RBFOX1: variants seen among roughly 807,000 people sequenced by gnomAD.
The protein encoded by RBFOX1 is RNA binding fox-1 homolog 1, also known as RNA binding protein fox-1 homolog 1.
Under a neutral mutation model 57.7 loss-of-function variants are expected in RBFOX1, and 8 were observed. The observed-to-expected ratio is 0.14, with a 90% CI of 0.08 to 0.25. RBFOX1 has a LOEUF of 0.25. Ranked by LOEUF, RBFOX1 falls within the 10% of genes least tolerant of loss-of-function variation. The pLI, the probability that RBFOX1 is intolerant of heterozygous loss-of-function variation, is 1.00. For missense variants in RBFOX1, 611 were observed against 548.5 expected (o/e 1.11, Z -1.14); for synonymous variants, 326 against 222.4 (o/e 1.47, Z -4.15).
chr16:6,048,035 C>T (rs1362297543), intron 1 of RBFOX1, among the ~76,000 whole-genome samples: 21 of 152,220 alleles, frequency 1.4e-4, no homozygotes, highest in Admixed American at 1.3e-3. Flanking sequence ...GAACAAAGGC[C>T]AGGATCTAAA....
intron 3 of RBFOX1, among the ~76,000 whole-genome samples, chr16:5,865,960 C>G (rs2057335043): frequency 1.3e-5 from 2 of 151,986 alleles, no homozygotes; most frequent in African/African-American, 4.8e-5. Context: ...TCTGCTCTCT[C>G]TCCTCTTTTA....
At chr16:5,784,712 T>G (rs1354886249) in intron 3 of RBFOX1, among the ~76,000 whole-genome samples, 1 of 152,138 alleles carries the variant, frequency 6.6e-6, no homozygotes, top group African/African-American at 2.4e-5. Context: ...CAGGGGTAAT[T>G]AAATCATGAG....
At chr16:6,345,100 C>G (rs1243446238) in intron 2 of RBFOX1, among the ~76,000 whole-genome samples, 4 of 152,158 alleles carry the variant, frequency 2.6e-5, no homozygotes, top group East Asian at 1.9e-4. Flanking sequence ...TCTTGTGAAG[C>G]AAAGCATTCT....
At chr16:6,913,137 C>T (rs2072141798) in intron 3 of RBFOX1, among the ~76,000 whole-genome samples, 1 of 151,348 alleles carries the variant, frequency 6.6e-6, no homozygotes, top group African/African-American at 2.4e-5. Flanking sequence ...CTGAAGAAGA[C>T]ACGTTTTTTT....
intron 1 of RBFOX1, among the ~76,000 whole-genome samples, chr16:6,167,459 C>G (rs1482547289): frequency 3.3e-5 from 5 of 152,138 alleles, no homozygotes; most frequent in Non-Finnish European, 7.4e-5. Context: ...TTATTCCAGC[C>G]TTCTAACATT....
intron 1 of RBFOX1, among the ~76,000 whole-genome samples, chr16:6,170,896 C>G (rs768749620): frequency 4.6e-5 from 7 of 152,294 alleles, no homozygotes; most frequent in Non-Finnish European, 7.4e-5. Flanking sequence ...CAGCTCCATC[C>G]AGGTCTCTGC....
intron 7 of RBFOX1, among the ~76,000 whole-genome samples, chr16:7,588,947 C>G (rs11647105): frequency 5.3e-5 from 8 of 152,060 alleles, no homozygotes; most frequent in Non-Finnish European, 1.2e-4. Context: ...AACAGAATCC[C>G]TTACACTTTG....
chr16:7,460,391 G>A (rs12927859), intron 4 of RBFOX1, among the ~76,000 whole-genome samples: 31,776 of 63,380 alleles, frequency 0.5, 6,761 homozygotes, highest in Non-Finnish European at 0.58. Flanking sequence ...ATATATATAT[G>A]TGTGTGTGTG....
chr16:5,291,194 A>T (rs1043766275), intron 1 of RBFOX1, among the ~76,000 whole-genome samples: 6 of 152,044 alleles, frequency 3.9e-5, no homozygotes, highest in Non-Finnish European at 7.4e-5. Context: ...CCACTGGTGA[A>T]ATAAAGGGCT....
intron 2 of RBFOX1, among the ~76,000 whole-genome samples, chr16:6,350,600 G>A (rs983914990): frequency 1.3e-5 from 2 of 151,560 alleles, no homozygotes; most frequent in African/African-American, 4.9e-5. Context: ...GCCAACAATG[G>A]CATCCATACA....
intron 1 of RBFOX1, among the ~76,000 whole-genome samples, chr16:5,315,373 A>T (rs1165954382): frequency 6.6e-6 from 1 of 152,174 alleles, no homozygotes; most frequent in African/African-American, 2.4e-5. Flanking sequence ...GGAGACAGGG[A>T]TGTGCTTAGA....
At position 7,557,788 on chromosome 16, in the gene RBFOX1, G is replaced by A. The variant is rs565557100; in HGVS notation, c.271-21989G>A. Among the ~76,000 whole-genome samples, 9 of 152,130 alleles carry A rather than the reference G, an allele frequency of 5.9e-5. No homozygotes were observed. In the South Asian group the frequency reaches 1.5e-3, roughly 25 times the overall value. ...AAATGCTTAACAACTAGCTTGGTGG[G>A]GGAAGGAGCGGGAGAGGGCTCCAGA... On this transcript the variant is annotated intron_variant, in intron 5 of 15. Transcript: ENST00000550418.
chr16:5,732,250 T>C (rs754333715), intron 3 of RBFOX1, among the ~76,000 whole-genome samples: 4 of 152,196 alleles, frequency 2.6e-5, no homozygotes, highest in Non-Finnish European at 4.4e-5. Flanking sequence ...GCCTTGAAAT[T>C]TGTAAATCAT....
chr16:7,563,745 G>C (rs1435668165), intron 5 of RBFOX1, among the ~76,000 whole-genome samples: 1 of 152,128 alleles, frequency 6.6e-6, no homozygotes, highest in East Asian at 1.9e-4. Context: ...TGGGATTACA[G>C]GGCTGAGCCA....
chr16:5,746,656 T>C (rs2052993634), intron 3 of RBFOX1, among the ~76,000 whole-genome samples: 1 of 152,200 alleles, frequency 6.6e-6, no homozygotes, highest in Admixed American at 6.5e-5. Flanking sequence ...GTCCTTCACA[T>C]CCCTTGTAAG....
At chr16:6,579,344 T>C (rs1045739194) in intron 2 of RBFOX1, among the ~76,000 whole-genome samples, 5 of 152,128 alleles carry the variant, frequency 3.3e-5, no homozygotes, top group African/African-American at 9.6e-5. Context: ...GCTGGGACTA[T>C]ATGCATGCAC....
At chr16:6,871,629 C>T (rs2060899729) in intron 3 of RBFOX1, among the ~76,000 whole-genome samples, 1 of 152,082 alleles carries the variant, frequency 6.6e-6, no homozygotes, top group Non-Finnish European at 1.5e-5. Context: ...GCCACTCTTC[C>T]CTCCTGCCTG....
At chr16:6,208,451 G>C (rs945606905) in intron 1 of RBFOX1, among the ~76,000 whole-genome samples, 17 of 152,174 alleles carry the variant, frequency 1.1e-4, no homozygotes, top group African/African-American at 3.6e-4. Context: ...AAGTTGAGTA[G>C]ACATTTAGTG....
rs977059758 is a variant in RBFOX1, at chr16:5,488,591, TG to T, written c.258+21338del. On this transcript the variant is annotated intron_variant, in intron 2 of 2. Coordinates refer to the RBFOX1 transcript ENST00000585867. ...TGGTGATGATGGTGATGATTGAAGA[TG>T]ATGGTGTGGTGGGGCGTGATGGTGA... Among the ~76,000 whole-genome samples the T allele has an allele frequency of 1.3e-3, 40 of 29,970 alleles. 1 individual carries two copies. Among genetic ancestry groups the T allele is most frequent in the African/African-American group, 2.3e-3 (40 of 17,210 alleles). The allele number at this position is 29,970 out of a possible 152,430, so 19.7% of individuals were successfully genotyped here. A position where few individuals can be genotyped will look rare whatever the true frequency, so the allele number is the denominator to read the frequency against.
Sources: allele counts gnomAD v4.1 joint callset (sites outside exome capture counted in the v4.1 genomes callset), GRCh38; gene constraint gnomAD v4.1.1; transcripts MANE v1.5; gene names NCBI Gene and HGNC (gene_info 2026-07-23, HGNC 2026-07-21).